Variants in JAKMIP1 observed in about 807,000 individuals in gnomAD.
JAKMIP1 encodes the protein janus kinase and microtubule-interacting protein 1.
A neutral mutation model predicts 113.0 loss-of-function variants in JAKMIP1; 33 were observed. That is an observed-to-expected ratio of 0.29 (90% CI 0.22 to 0.39). The LOEUF (loss-of-function observed/expected upper bound fraction) is 0.39, where lower values mean the gene tolerates loss of function less well. Among genes scored for constraint, JAKMIP1 ranks in the 10% least tolerant of loss-of-function variants. The probability of loss-of-function intolerance (pLI) is 1.00; values close to 1 mark genes in which losing one functional copy is unlikely to be tolerated. For missense variants in JAKMIP1, 813 were observed against 1,080.5 expected (o/e 0.75, Z 3.47); for synonymous variants, 480 against 459.9 (o/e 1.04, Z -0.56).
At position 6,143,955 on chromosome 4, in the gene JAKMIP1, C is replaced by CA. The variant is rs1404044754; in HGVS notation, c.-147-30959dup. On this transcript the variant is annotated intron_variant, in intron 1 of 20. Coordinates refer to ENST00000409021, the MANE Select transcript of JAKMIP1 (RefSeq NM_001099433.2). This position sits in a 1 kb window ranked among gnomAD's most constrained non-coding sequence, Gnocchi z 4.9. The stretch of plus-strand genomic sequence containing the variant: ...TCCAGGGCTGGAGCAGGGACCACAG[C>CA]ATCTGCCTCACAGGCATGCCAGGGG... Among the ~76,000 whole-genome samples, 2 of 152,184 alleles carry CA rather than the reference C, an allele frequency of 1.3e-5. No homozygotes were observed. The highest frequency in any genetic ancestry group is 1.3e-4 in the Admixed American group (2 of 15,276).
chr4:6,132,518 G>A (rs778130395), intron 1 of JAKMIP1, among the ~76,000 whole-genome samples: 10 of 151,798 alleles, frequency 6.6e-5, no homozygotes, highest in African/African-American at 1.7e-4. Context: ...GGTGCACACC[G>A]GTAGTCGCAG....
chr4:6,096,833 T>C (rs1207366099), intron 3 of JAKMIP1, among the ~76,000 whole-genome samples: 3 of 152,248 alleles, frequency 2.0e-5, no homozygotes, highest in African/African-American at 4.8e-5. Flanking sequence ...ATGTTTCACA[T>C]ACACTTATAC....
In JAKMIP1 at chr4:6,140,093, T is replaced by C. The variant is rs981904297; in HGVS notation, c.-147-27096A>G. On this transcript the variant is annotated intron_variant, in intron 1 of 20. Transcript: ENST00000409021. This position sits in a 1 kb window ranked among gnomAD's most constrained non-coding sequence, Gnocchi z 9.4. ...AAACGAATATATTTATTAGATGGAT[T>C]GAGATGTACTGAGAATAGCTATGAA... Among the ~76,000 whole-genome samples, 1 of 152,080 alleles carries C rather than the reference T, an allele frequency of 6.6e-6. No homozygotes were observed. Among genetic ancestry groups the C allele is most frequent in the African/African-American group, 2.4e-5 (1 of 41,378 alleles).
chr4:6,035,868 C>T (rs901498257), intron 19 of JAKMIP1, 36 bp downstream of exon 19: 24 of 1,516,226 alleles, frequency 1.6e-5, no homozygotes, highest in Middle Eastern at 2.1e-4. Context: ...ACAAGGGTGC[C>T]GGGGTGCTGT....
At position 6,139,213 on chromosome 4, in the gene JAKMIP1, C is replaced by CA. The variant is rs2108956237; in HGVS notation, c.-147-26217dup. On this transcript the variant is annotated intron_variant, in intron 1 of 20. Coordinates refer to ENST00000409021, the MANE Select transcript of JAKMIP1 (RefSeq NM_001099433.2). This position sits in a 1 kb window ranked among gnomAD's most constrained non-coding sequence, Gnocchi z 5.2. ...GGTTCCCATGGGCTCCAGAAACTTT[C>CA]ACTATTTAAAAGGGTTCTGCCCCAG... Among the ~76,000 whole-genome samples, 1 of 152,222 alleles carries CA rather than the reference C, an allele frequency of 6.6e-6. No homozygotes were observed. Among genetic ancestry groups the CA allele is most frequent in the African/African-American group, 2.4e-5 (1 of 41,496 alleles).
intron 1 of JAKMIP1, among the ~76,000 whole-genome samples, chr4:6,195,826 A>C (rs992812323): frequency 6.6e-6 from 1 of 152,222 alleles, no homozygotes; most frequent in Admixed American, 6.5e-5. Context: ...GGCTTCCCAG[A>C]TGTCTCCCCC....
Position 6,085,495 on chromosome 4 carries a change from G to A in JAKMIP1, c.759C>T (p.Ala253=), listed in dbSNP as rs369824626. ...LDEQLVQVKE[A]ERHHSSPKRE... is the part of the protein sequence containing the mutation. ...TCTTTGGACTACTGTGGTGCCGCTC[G>A]GCCTCCTTGACCTGAACCAGCTGCT... is the stretch of plus-strand genomic sequence containing the variant. The change falls in exon 4 of 21, where the codon GCC becomes GCT. Residue 253 remains alanine, a synonymous_variant. Coordinates refer to ENST00000409021, the MANE Select transcript of JAKMIP1 (RefSeq NM_001099433.2). The A allele has an allele frequency of 7.2e-5, 116 of 1,613,988 alleles. 1 individual carries two copies. The highest frequency in any genetic ancestry group is 1.4e-4 in the South Asian group (13 of 91,088).
chr4:6,098,552 AAGAAAGAAAGAAAG>A (rs770011265), intron 3 of JAKMIP1, among the ~76,000 whole-genome samples: 1 of 32,644 alleles, frequency 3.1e-5, no homozygotes, highest in Non-Finnish European at 6.5e-5. Flanking sequence ...AAGAAAAAGA[AAGAAAGAAAGAAAG>A]AAAGAAAGAA....
In JAKMIP1 at chr4:6,086,010, C is replaced by G. The variant is rs1203849788; in HGVS notation, c.625-381G>C. On this transcript the variant is annotated intron_variant, in intron 3 of 20. Transcript: ENST00000409021. This position sits in a 1 kb window ranked among gnomAD's most constrained non-coding sequence, Gnocchi z 4.1. ...TCTCTCTCCGTCTCCAGGACCATGTCTCCCTCTCAGTCATTGACCCTCTCC... is the reference window on the plus strand; with the variant it reads ...TCTCTCTCCGTCTCCAGGACCATGTGTCCCTCTCAGTCATTGACCCTCTCC... 6.6e-6 allele frequency among the ~76,000 whole-genome samples: 1 copy of G among 152,056 alleles called. No individual in the cohort carries two copies. Among genetic ancestry groups the G allele is most frequent in the Admixed American group, 6.5e-5 (1 of 15,280 alleles).
intron 1 of JAKMIP1, among the ~76,000 whole-genome samples, chr4:6,132,133 A>G (rs1278122119): frequency 1.3e-5 from 2 of 152,230 alleles, no homozygotes; most frequent in Non-Finnish European, 2.9e-5. Flanking sequence ...TGATGGGTAC[A>G]GCTTATGGAT....
At chr4:6,173,253 T>G (rs1338873287) in intron 1 of JAKMIP1, among the ~76,000 whole-genome samples, 1 of 152,138 alleles carries the variant, frequency 6.6e-6, no homozygotes, top group East Asian at 1.9e-4. Flanking sequence ...CAAACACTAT[T>G]TCAGTGATCT....
At chr4:6,170,690 C>T (rs1452733169) in intron 1 of JAKMIP1, among the ~76,000 whole-genome samples, 1 of 150,964 alleles carries the variant, frequency 6.6e-6, no homozygotes, top group East Asian at 2.0e-4. Flanking sequence ...TCCACTGTCA[C>T]CCTCCTTAAC....
At chr4:6,126,424 C>A (rs558464619) in intron 1 of JAKMIP1, among the ~76,000 whole-genome samples, 1 of 84,894 alleles carries the variant, frequency 1.2e-5, no homozygotes, top group Non-Finnish European at 2.4e-5. Context: ...CGTACAGAAA[C>A]ACACACACAC....
At position 6,080,100 on chromosome 4, in the gene JAKMIP1, C is replaced by A. The variant is rs1347687023; in HGVS notation, c.1242+72G>T. 2 of 1,498,054 alleles carry A rather than the reference C, an allele frequency of 1.3e-6. No homozygotes were observed. The highest frequency in any genetic ancestry group is 2.7e-5 in the South Asian group (2 of 74,748). The allele number at this position is 1,498,054 out of a possible 1,614,324, so 92.8% of individuals were successfully genotyped here. On this transcript the variant is annotated intron_variant, in intron 7 of 20. Coordinates refer to ENST00000409021, the MANE Select transcript of JAKMIP1 (RefSeq NM_001099433.2). This position sits in a 1 kb window ranked among gnomAD's most constrained non-coding sequence, Gnocchi z 6.0. ...AGCAGCATCACCCTGAGCCCCAACA[C>A]CCGTTCCTGACACCCATGTCAGCTG...
intron 17 of JAKMIP1, among the ~76,000 whole-genome samples, chr4:6,041,889 G>C (rs916449238): frequency 5.3e-5 from 8 of 152,198 alleles, no homozygotes; most frequent in African/African-American, 1.9e-4. Context: ...CCTGGTGGCA[G>C]GGACCCCACT....
intron 1 of JAKMIP1, among the ~76,000 whole-genome samples, chr4:6,160,514 C>A (rs1722774458): frequency 6.6e-6 from 1 of 152,146 alleles, no homozygotes; most frequent in African/African-American, 2.4e-5. Flanking sequence ...TTCCCTCCCG[C>A]ATGCTGCATG....
intron 1 of JAKMIP1, among the ~76,000 whole-genome samples, chr4:6,171,240 TAC>T (rs1560319100): frequency 1.4e-5 from 2 of 144,346 alleles, no homozygotes; most frequent in African/African-American, 2.6e-5. Flanking sequence ...CCCACTGCCA[TAC>T]CACCATCACC....
intron 10 of JAKMIP1, among the ~76,000 whole-genome samples, chr4:6,060,799 G>C (rs996876967): frequency 6.6e-6 from 1 of 152,224 alleles, no homozygotes; most frequent in African/African-American, 2.4e-5. Context: ...TTTTTGAAGG[G>C]GGTGAGTGAG....
rs1283838563 is a variant in JAKMIP1, at chr4:6,183,347, C to T, written c.-148+16906G>A. Among the ~76,000 whole-genome samples, 1 of 151,820 alleles carries T rather than the reference C, an allele frequency of 6.6e-6. No homozygotes were observed. Among genetic ancestry groups the T allele is most frequent in the African/African-American group, 2.4e-5 (1 of 41,306 alleles). On this transcript the variant is annotated intron_variant, in intron 1 of 20. Coordinates refer to ENST00000409021, the MANE Select transcript of JAKMIP1 (RefSeq NM_001099433.2). The surrounding 1 kb of genome is among the most constrained non-coding windows in gnomAD (Gnocchi z 5.3). ...TACAAAAATTAGCCGGGCTTGGTGG[C>T]GGGTGCCTGTAATACCAACTACTTG...
Sources: gnomAD v4.1 joint callset for allele counts (sites outside exome capture counted in the v4.1 genomes callset) on GRCh38, gnomAD v4.1.1 for gene constraint, Gnocchi (gnomAD v3.1) non-coding constraint, MANE v1.5 for transcripts, NCBI Gene and HGNC (gene_info 2026-07-23, HGNC 2026-07-21) for gene names.